Variants in INPP5A observed in about 807,000 individuals in gnomAD.
INPP5A encodes inositol polyphosphate-5-phosphatase A.
INPP5A carries 14 observed loss-of-function variants against 65.2 expected under a neutral mutation model. That is an observed-to-expected ratio of 0.21 (90% CI 0.14 to 0.34). The LOEUF is 0.34. Ranked by LOEUF, INPP5A falls within the 10% of genes least tolerant of loss-of-function variation. INPP5A has a pLI of 1.00. For synonymous variants in INPP5A, 207 were observed against 208.3 expected (o/e 0.99, Z 0.05); for missense variants, 431 against 545.6 (o/e 0.79, Z 2.09).
rs1437689331 is a variant in INPP5A at position 132,631,001 on chromosome 10, G to C, written c.118-14867G>C. On this transcript the variant is annotated intron_variant, in intron 2 of 15. Coordinates refer to ENST00000368594, the MANE Select transcript of INPP5A (RefSeq NM_005539.5). The stretch of plus-strand genomic sequence containing the variant: ...GGGGGAAGGCTGCTGCATGTGGTCA[G>C]TGTGGTAGAACCCACAGTCTCCCCA... 2.0e-5 allele frequency among the ~76,000 whole-genome samples: 3 copies of C among 152,182 alleles called. No individual in the cohort carries two copies. The East Asian group carries it at 5.8e-4, about 29-fold the overall frequency.
At chr10:132,543,058 C>A (rs1311592007) in intron 1 of INPP5A, among the ~76,000 whole-genome samples, 1 of 152,108 alleles carries the variant, frequency 6.6e-6, no homozygotes, top group Non-Finnish European at 1.5e-5. Flanking sequence ...GTGCTCTCAT[C>A]TCTGTCTCCC....
chr10:132,585,084 C>T (rs770614446), intron 1 of INPP5A, among the ~76,000 whole-genome samples: 1 of 152,184 alleles, frequency 6.6e-6, no homozygotes, highest in East Asian at 1.9e-4. Context: ...AACAGGACTG[C>T]AGTTGATTCC....
intron 1 of INPP5A, among the ~76,000 whole-genome samples, chr10:132,578,080 G>A (rs913218467): frequency 9.2e-5 from 14 of 152,368 alleles, no homozygotes; most frequent in Middle Eastern, 6.8e-3. Context: ...TGCATTGAAT[G>A]AAGTAAACCA....
At chr10:132,567,682 T>G (rs1289111034) in intron 1 of INPP5A, among the ~76,000 whole-genome samples, 1 of 152,238 alleles carries the variant, frequency 6.6e-6, no homozygotes, top group Non-Finnish European at 1.5e-5. Flanking sequence ...GGGCTCGGTC[T>G]GATTTCCAAA....
At chr10:132,607,388 A>C (rs2071871106) in intron 1 of INPP5A, among the ~76,000 whole-genome samples, 3 of 152,230 alleles carry the variant, frequency 2.0e-5, no homozygotes, top group Admixed American at 2.0e-4. Context: ...AGATTCTGAC[A>C]GTTGTGACGG....
At chr10:132,620,868 TA>T (rs1246534405) in intron 2 of INPP5A, among the ~76,000 whole-genome samples, 3 of 152,326 alleles carry the variant, frequency 2.0e-5, no homozygotes, top group Non-Finnish European at 4.4e-5. Context: ...TATTCTTTGA[TA>T]TGAACATTAG....
Position 132,749,851 on chromosome 10 carries a change from T to A in INPP5A, c.903+6T>A, listed in dbSNP as rs1476801551. 1.2e-6 allele frequency: 2 copies of A among 1,612,506 alleles called. No individual in the cohort carries two copies. The highest frequency in any genetic ancestry group is 3.3e-5 in the Admixed American group (2 of 60,020). ...GAGACAACAACGGCACCGCGGTGAG[T>A]TTGTGGTCCAATGTGGCAGCTCCCC... is the stretch of plus-strand genomic sequence containing the variant. On this transcript the variant is annotated splice_donor_region_variant and intron_variant, in intron 11 of 15. Transcript: ENST00000368594.
At chr10:132,565,110 T>C (rs2071256584) in intron 1 of INPP5A, among the ~76,000 whole-genome samples, 1 of 152,202 alleles carries the variant, frequency 6.6e-6, no homozygotes, top group Admixed American at 6.5e-5. Context: ...TAAAAAAATT[T>C]TGTTTTGTTT....
intron 4 of INPP5A, among the ~76,000 whole-genome samples, chr10:132,669,449 G>A (rs570454376): frequency 2.0e-5 from 3 of 152,304 alleles, no homozygotes; most frequent in South Asian, 4.1e-4. Flanking sequence ...ACGTCCTCAC[G>A]GGACCACAGA....
In INPP5A at chr10:132,726,828, G is replaced by T; in HGVS notation, c.655G>T (p.Asp219Tyr). The T allele has an allele frequency of 6.3e-7, 1 of 1,599,520 alleles. No homozygotes were observed. The highest frequency in any genetic ancestry group is 1.1e-5 in the South Asian group (1 of 89,888). ...ALGYVLDRII[D>Y]QRFEKVSYFV... ...TCCTCTTTTTCTTTCCAGAATCATT[G>T]ATCAGCGATTCGAGAAGGTTTCCTA... The change falls in exon 9 of 16, where the codon GAT becomes TAT. Residue 219 changes from aspartate (D) to tyrosine (Y), a missense_variant. Asp to Tyr is a radical substitution (Grantham distance 160, BLOSUM62 -3). Coordinates refer to ENST00000368594, the MANE Select transcript of INPP5A (RefSeq NM_005539.5).
At chr10:132,539,975 A>G (rs1277903780) in intron 1 of INPP5A, among the ~76,000 whole-genome samples, 1 of 152,158 alleles carries the variant, frequency 6.6e-6, no homozygotes, top group Non-Finnish European at 1.5e-5. Flanking sequence ...TTTATTATTA[A>G]CAACTTCATC....
At chr10:132,719,225 G>C (rs1274139451) in intron 8 of INPP5A, among the ~76,000 whole-genome samples, 10 of 144,872 alleles carry the variant, frequency 6.9e-5, no homozygotes, top group East Asian at 4.2e-4. Context: ...CGACTGTCTT[G>C]GGGGTTCTGT....
chr10:132,646,260 C>CGTGT (rs1343997173), intron 3 of INPP5A, among the ~76,000 whole-genome samples: 1 of 152,152 alleles, frequency 6.6e-6, no homozygotes, highest in Non-Finnish European at 1.5e-5. Context: ...GAGCCGTCTC[C>CGTGT]GTGTGTGTGT....
At chr10:132,758,307 G>A (rs538394969) in intron 11 of INPP5A, among the ~76,000 whole-genome samples, 1 of 116,128 alleles carries the variant, frequency 8.6e-6, no homozygotes, top group South Asian at 3.2e-4. Flanking sequence ...GATGTTGTGG[G>A]TCCCTGGCTG....
At chr10:132,580,188 A>G (rs910824781) in intron 1 of INPP5A, among the ~76,000 whole-genome samples, 1 of 152,096 alleles carries the variant, frequency 6.6e-6, no homozygotes, top group African/African-American at 2.4e-5. Flanking sequence ...TGGGTCCCTG[A>G]TATGGTTTGG....
chr10:132,755,135 C>T (rs1846571552), intron 11 of INPP5A, among the ~76,000 whole-genome samples: 1 of 148,962 alleles, frequency 6.7e-6, no homozygotes, highest in Non-Finnish European at 1.5e-5. Context: ...GCAGGTGTGT[C>T]AGCATGTGTG....
intron 12 of INPP5A, among the ~76,000 whole-genome samples, chr10:132,775,457 C>G (rs1419145790): frequency 6.6e-6 from 1 of 152,124 alleles, no homozygotes; most frequent in Non-Finnish European, 1.5e-5. Context: ...GCCAGCACCT[C>G]CCACCTGTGG....
At chr10:132,725,436 T>TGGC (rs1812709556) in intron 8 of INPP5A, among the ~76,000 whole-genome samples, 1 of 152,210 alleles carries the variant, frequency 6.6e-6, no homozygotes, top group Non-Finnish European at 1.5e-5. Flanking sequence ...GTGTCAGCGG[T>TGGC]GGCGGCGGGG....
intron 4 of INPP5A, among the ~76,000 whole-genome samples, chr10:132,687,591 T>C (rs1368699668): frequency 1.3e-5 from 2 of 152,184 alleles, no homozygotes; most frequent in Non-Finnish European, 2.9e-5. Context: ...ATCCTTCATC[T>C]CCGTCCCCTA....
Sources: gnomAD v4.1 joint callset for allele counts (sites outside exome capture counted in the v4.1 genomes callset) on GRCh38, gnomAD v4.1.1 for gene constraint, MANE v1.5 for transcripts, NCBI Gene and HGNC (gene_info 2026-07-23, HGNC 2026-07-21) for gene names.